The following PTPN11 variants were observed in gnomAD, a reference collection of about 807,000 sequenced individuals.
PTPN11 encodes protein tyrosine phosphatase non-receptor type 11.
PTPN11 carries 6 observed loss-of-function variants against 78.8 expected under a neutral mutation model. The observed-to-expected ratio is 0.08, with a 90% confidence interval of 0.04 to 0.15. The LOEUF is 0.15. Ranked by LOEUF, PTPN11 falls within the 10% of genes least tolerant of loss-of-function variation. The probability of loss-of-function intolerance (pLI) is 1.00; values close to 1 mark genes in which losing one functional copy is unlikely to be tolerated. For missense variants in PTPN11, 386 were observed against 744.8 expected (o/e 0.52, Z 5.61); for synonymous variants, 221 against 263.5 (o/e 0.84, Z 1.56).
At chr12:112,475,925 A>T (rs1408755262) in intron 7 of PTPN11, among the ~76,000 whole-genome samples, 1 of 152,158 alleles carries the variant, frequency 6.6e-6, no homozygotes, top group Non-Finnish European at 1.5e-5. Flanking sequence ...GTAGCATGGT[A>T]CTAGTGACCT....
intron 3 of PTPN11, among the ~76,000 whole-genome samples, chr12:112,451,961 C>T (rs571117062): frequency 6.6e-5 from 10 of 152,012 alleles, no homozygotes; most frequent in East Asian, 5.8e-4. Flanking sequence ...CTACAACCTC[C>T]GCCTCCCAGA....
At chr12:112,426,240 T>C (rs1178196164) in intron 1 of PTPN11, among the ~76,000 whole-genome samples, 1 of 152,188 alleles carries the variant, frequency 6.6e-6, no homozygotes, top group Non-Finnish European at 1.5e-5. Flanking sequence ...TCCTGACAGA[T>C]AGTTCAGGTT....
Position 112,506,964 on chromosome 12 carries a change from A to C in PTPN11, c.*1172A>C, listed in dbSNP as rs1165014725. On this transcript the variant is annotated 3_prime_UTR_variant, in exon 16 of 16. Transcript: ENST00000351677. ...CCCTCTATTGATGATGATGATGATG[A>C]TGATGATGATGATGATGATGATGAT... 1 of 255,164 alleles carries C rather than the reference A, an allele frequency of 3.9e-6. No individual in the cohort carries two copies. The highest frequency in any genetic ancestry group is 7.9e-6 in the Non-Finnish European group (1 of 127,336). 15.8% of individuals were successfully genotyped at this position (255,164 alleles called of 1,614,324 possible). A position where few individuals can be genotyped will look rare whatever the true frequency, so the allele number is the denominator to read the frequency against.
At chr12:112,464,777 G>A (rs1214803106) in intron 6 of PTPN11, among the ~76,000 whole-genome samples, 1 of 152,140 alleles carries the variant, frequency 6.6e-6, no homozygotes, top group Non-Finnish European at 1.5e-5. Context: ...CCAGGCTGGA[G>A]TGCAGTGGCT....
intron 1 of PTPN11, among the ~76,000 whole-genome samples, chr12:112,429,893 A>C (rs1199668762): frequency 6.6e-6 from 1 of 152,198 alleles, no homozygotes; most frequent in East Asian, 1.9e-4. Flanking sequence ...TTAGAACTAA[A>C]TAGCAGAATG....
At position 112,504,483 on chromosome 12, in the gene PTPN11, A is replaced by G. The variant is rs973681193; in HGVS notation, c.1713-212A>G. Among the ~76,000 whole-genome samples, 1 of 152,190 alleles carries G rather than the reference A, an allele frequency of 6.6e-6. No individual in the cohort carries two copies. Among genetic ancestry groups the G allele is most frequent in the African/African-American group, 2.4e-5 (1 of 41,450 alleles). On this transcript the variant is annotated intron_variant, in intron 14 of 15. Transcript: ENST00000351677. This position sits in a 1 kb window ranked among gnomAD's most constrained non-coding sequence, Gnocchi z 4.7. ...TCTGGGATTACAGGCGTGAGCCACC[A>G]TGCCCAGCGTTATTTCACTTCTGCC... is the stretch of plus-strand genomic sequence containing the variant.
At chr12:112,461,484 C>G (rs2038248007) in intron 6 of PTPN11, among the ~76,000 whole-genome samples, 1 of 151,582 alleles carries the variant, frequency 6.6e-6, no homozygotes, top group South Asian at 2.1e-4. Flanking sequence ...TGCCACCATG[C>G]CTGGCTAATT....
At chr12:112,455,424 G>A (rs1350559612) in intron 5 of PTPN11, among the ~76,000 whole-genome samples, 3 of 151,550 alleles carry the variant, frequency 2.0e-5, no homozygotes, top group African/African-American at 2.4e-5. Context: ...TAGTAGAGAT[G>A]GGGTTTCACC....
chr12:112,474,408 G>T (rs1374915553), intron 7 of PTPN11, among the ~76,000 whole-genome samples: 1 of 151,588 alleles, frequency 6.6e-6, no homozygotes, highest in Admixed American at 6.6e-5. Flanking sequence ...TTCTAGGGCG[G>T]GGTCTCCCTA....
In PTPN11 at chr12:112,469,856, AGAG is replaced by A. The variant is rs528560597; in HGVS notation, c.757-3084_757-3082del. Among the ~76,000 whole-genome samples, 122 of 152,272 alleles carry A rather than the reference AGAG, an allele frequency of 8.0e-4. 3 individuals carry two copies. The South Asian group carries it at 0.024, about 30-fold the overall frequency. On this transcript the variant is annotated intron_variant, in intron 6 of 15. Transcript: ENST00000351677. Reference sequence around the variant, plus strand: ...GAAATATATTTTGTGAAGGAGAAAAAGAGGAGTTCAGTTTAAAGAAACAAATGA... The same window carrying A: ...GAAATATATTTTGTGAAGGAGAAAAAGAGTTCAGTTTAAAGAAACAAATGA...
intron 3 of PTPN11, 21 bp downstream of exon 3, chr12:112,450,533 C>T: frequency 6.2e-7 from 1 of 1,607,304 alleles, no homozygotes; most frequent in Non-Finnish European, 8.5e-7. Context: ...TTTTAGTGAC[C>T]ACAAAGTCTG....
intron 6 of PTPN11, among the ~76,000 whole-genome samples, chr12:112,471,980 T>C (rs1362771221): frequency 6.6e-6 from 1 of 152,066 alleles, no homozygotes; most frequent in Non-Finnish European, 1.5e-5. Flanking sequence ...TTGTTGGCCA[T>C]GTCTGGTTTT....
At chr12:112,422,798 G>A (rs908677832) in intron 1 of PTPN11, among the ~76,000 whole-genome samples, 4 of 152,258 alleles carry the variant, frequency 2.6e-5, no homozygotes, top group African/African-American at 7.2e-5. Context: ...CTTACCCCTC[G>A]TGTCCATGGT....
At chr12:112,448,896 T>TA (rs2135859440) in intron 2 of PTPN11, among the ~76,000 whole-genome samples, 1 of 151,902 alleles carries the variant, frequency 6.6e-6, no homozygotes, top group South Asian at 2.1e-4. Context: ...TTTATTTTTA[T>TA]TTTTTTTGAG....
intron 1 of PTPN11, among the ~76,000 whole-genome samples, chr12:112,419,747 G>A (rs994648914): frequency 2.6e-5 from 4 of 152,216 alleles, no homozygotes; most frequent in Non-Finnish European, 5.9e-5. Context: ...TTTGGGAGAT[G>A]GAAAGGAAGG....
In PTPN11 at chr12:112,508,054, TG is replaced by T. The variant is rs1461273757; in HGVS notation, c.*2267del. On this transcript the variant is annotated 3_prime_UTR_variant, in exon 16 of 16. Transcript: ENST00000351677. The stretch of plus-strand genomic sequence containing the variant: ...GTTTTGTCTTGACTTGACTTGACTT[TG>T]GGGGTAAAGTCTTTCACCAGCACAC... 1 of 152,688 alleles carries T rather than the reference TG, an allele frequency of 6.5e-6. No homozygotes were observed. The highest frequency in any genetic ancestry group is 1.5e-5 in the Non-Finnish European group (1 of 68,050). 9.5% of individuals were successfully genotyped at this position (152,688 alleles called of 1,614,324 possible).
At chr12:112,464,876 A>G (rs1165697122) in intron 6 of PTPN11, among the ~76,000 whole-genome samples, 1 of 152,164 alleles carries the variant, frequency 6.6e-6, no homozygotes, top group Non-Finnish European at 1.5e-5. Flanking sequence ...GGCACACACC[A>G]CTGTGTCCAA....
intron 2 of PTPN11, among the ~76,000 whole-genome samples, chr12:112,449,380 G>A (rs896395510): frequency 4.9e-4 from 74 of 151,656 alleles, no homozygotes; most frequent in African/African-American, 1.7e-3. Context: ...CGTGGCGGGC[G>A]CCTGTAGTCC....
At chr12:112,477,233 T>G (rs960882806) in intron 7 of PTPN11, among the ~76,000 whole-genome samples, 43 of 152,266 alleles carry the variant, frequency 2.8e-4, no homozygotes, top group African/African-American at 1.0e-3. Context: ...GCCAGGCTGG[T>G]CTTGACCTCC....
Sources: allele counts gnomAD v4.1 joint callset (sites outside exome capture counted in the v4.1 genomes callset), GRCh38; gene constraint gnomAD v4.1.1; non-coding constraint Gnocchi (gnomAD v3.1); transcripts MANE v1.5; gene names NCBI Gene and HGNC (gene_info 2026-07-23, HGNC 2026-07-21).